Variants in PTPRD observed in about 807,000 individuals in gnomAD.
PTPRD encodes receptor-type tyrosine-protein phosphatase delta.
PTPRD carries 34 observed loss-of-function variants against 214.5 expected under a neutral mutation model. The observed-to-expected ratio is 0.16, with a 90% confidence interval of 0.12 to 0.21. The LOEUF is 0.21. Ranked by LOEUF, PTPRD falls within the 10% of genes least tolerant of loss-of-function variation. The pLI is 1.00. For synonymous variants in PTPRD, 1,128 were observed against 845.7 expected (o/e 1.33, Z -5.79); for missense variants, 2,545 against 2,398.7 (o/e 1.06, Z -1.27).
intron 14 of PTPRD, among the ~76,000 whole-genome samples, chr9:8,589,960 T>C (rs889966673): frequency 1.3e-5 from 2 of 152,156 alleles, no homozygotes; most frequent in South Asian, 4.1e-4. Flanking sequence ...AGAAATTGCT[T>C]GCGTTCACTT....
intron 4 of PTPRD, among the ~76,000 whole-genome samples, chr9:9,955,336 C>G (rs927007208): frequency 6.6e-6 from 1 of 152,064 alleles, no homozygotes; most frequent in African/African-American, 2.4e-5. Context: ...AGGATATGTA[C>G]GTATTTAAGC....
At chr9:9,606,913 A>G (rs561007141) in intron 7 of PTPRD, among the ~76,000 whole-genome samples, 1 of 142,320 alleles carries the variant, frequency 7.0e-6, no homozygotes, top group Admixed American at 7.5e-5. Flanking sequence ...TAAGGCAGAC[A>G]GGGCTATCTG....
intron 5 of PTPRD, among the ~76,000 whole-genome samples, chr9:9,773,285 T>C (rs1768883): frequency 0.38 from 57,520 of 151,932 alleles, 11,294 homozygotes; most frequent in East Asian, 0.67. Flanking sequence ...ATATATGCCT[T>C]ACAAGGGTTT....
chr9:8,524,954 T>C lies in PTPRD; in HGVS notation c.650A>G (p.Tyr217Cys), dbSNP rs770243660. The change falls in exon 18 of 46, where the codon TAT becomes TGT. Residue 217 changes from tyrosine to cysteine, a missense_variant. Physicochemically the swap from Tyr to Cys is radical, Grantham distance 194. Transcript: ENST00000381196. ...GACATATAAATTGGCAGGAGCGGAATAGCGAGTGCCCGCGCTGTTGGTGGC... is the reference window on the plus strand; with the variant it reads ...GACATATAAATTGGCAGGAGCGGAACAGCGAGTGCCCGCGCTGTTGGTGGC... Reference protein sequence around the residue: ...CVATNSAGTRYSAPANLYVRE... With the variant: ...CVATNSAGTRCSAPANLYVRE... 4.3e-6 allele frequency: 7 copies of C among 1,613,664 alleles called. No individual in the cohort carries two copies. The highest frequency in any genetic ancestry group is 5.1e-6 in the Non-Finnish European group (6 of 1,179,676).
At chr9:8,783,830 A>G (rs569639031) in intron 11 of PTPRD, among the ~76,000 whole-genome samples, 18 of 152,332 alleles carry the variant, frequency 1.2e-4, no homozygotes, top group East Asian at 9.6e-4. Context: ...TAAAGAAGAC[A>G]TATTACCCTC....
intron 14 of PTPRD, among the ~76,000 whole-genome samples, chr9:8,564,605 C>T (rs1048104537): frequency 6.6e-6 from 1 of 152,196 alleles, no homozygotes; most frequent in Admixed American, 6.5e-5. Context: ...GGGGCTGAGG[C>T]AGGAGAATTG....
chr9:9,310,369 A>G (rs1026850927), intron 9 of PTPRD, among the ~76,000 whole-genome samples: 1 of 152,110 alleles, frequency 6.6e-6, no homozygotes, highest in African/African-American at 2.4e-5. Flanking sequence ...TCTGCAGACT[A>G]GTAGCATGTG....
Position 9,453,079 on chromosome 9 carries a change from T to A in PTPRD, c.-236-55597A>T, listed in dbSNP as rs550064361. 1.3e-3 allele frequency among the ~76,000 whole-genome samples: 199 copies of A among 151,042 alleles called. 1 individual carries two copies. The highest frequency in any genetic ancestry group is 4.5e-3 in the African/African-American group (188 of 41,336). On this transcript the variant is annotated intron_variant, in intron 8 of 45. Transcript: ENST00000381196. ...TTTAATATCCATAAGATGTGACCAC[T>A]GATACATATTAATTATCCAAATGGA...
intron 11 of PTPRD, among the ~76,000 whole-genome samples, chr9:8,798,191 T>C (rs1215441543): frequency 1.3e-5 from 2 of 152,184 alleles, no homozygotes; most frequent in Non-Finnish European, 2.9e-5. Flanking sequence ...TTCTTTGGTG[T>C]CTCTTTTCCC....
chr9:9,310,513 T>C (rs955753653), intron 9 of PTPRD, among the ~76,000 whole-genome samples: 1 of 152,210 alleles, frequency 6.6e-6, no homozygotes, highest in African/African-American at 2.4e-5. Flanking sequence ...ACAAACCTGA[T>C]GTGACAATCA....
chr9:9,595,170 C>T lies in PTPRD; in HGVS notation c.-286-20389G>A, dbSNP rs751327147. ...AAACCAGTGCAACCGCTATGGAAAACAGTGTGGAGATTCCTTAAATAACTA... is the reference window on the plus strand; with the variant it reads ...AAACCAGTGCAACCGCTATGGAAAATAGTGTGGAGATTCCTTAAATAACTA... On this transcript the variant is annotated intron_variant, in intron 7 of 45. Transcript: ENST00000381196. 7.9e-5 allele frequency among the ~76,000 whole-genome samples: 12 copies of T among 151,380 alleles called. No individual in the cohort carries two copies. The South Asian group carries it at 2.5e-3, about 31-fold the overall frequency.
chr9:8,525,054 T>C lies in PTPRD; in HGVS notation c.569-19A>G, dbSNP rs757594785. Reference sequence around the variant, plus strand: ...AGGGCTCCTGTATGGATATAAAATATATTGCCAAAGAGATGATCAGAGAAG... The same window carrying C: ...AGGGCTCCTGTATGGATATAAAATACATTGCCAAAGAGATGATCAGAGAAG... On this transcript the variant is annotated intron_variant, in intron 17 of 45. Coordinates refer to ENST00000381196, the MANE Select transcript of PTPRD (RefSeq NM_002839.4). 1.1e-5 allele frequency: 17 copies of C among 1,591,206 alleles called. No homozygotes were observed. Among genetic ancestry groups the C allele is most frequent in the Non-Finnish European group, 1.3e-5 (15 of 1,159,462 alleles).
chr9:9,251,915 G>A (rs1205895041), intron 9 of PTPRD, among the ~76,000 whole-genome samples: 1 of 152,050 alleles, frequency 6.6e-6, no homozygotes. Flanking sequence ...TTTCCCAAGT[G>A]AAATACAAAA....
chr9:10,226,800 T>C (rs1389363237), intron 3 of PTPRD, among the ~76,000 whole-genome samples: 1 of 152,174 alleles, frequency 6.6e-6, no homozygotes, highest in South Asian at 2.1e-4. Context: ...GATAGATCAA[T>C]AGTTTAAACT....
At chr9:10,054,603 C>A (rs115591758) in intron 3 of PTPRD, among the ~76,000 whole-genome samples, 17 of 152,072 alleles carry the variant, frequency 1.1e-4, no homozygotes, top group African/African-American at 4.1e-4. Context: ...GGGAGCCATT[C>A]CTTTGAAATG....
At chr9:9,968,498 T>G (rs973152282) in intron 4 of PTPRD, among the ~76,000 whole-genome samples, 1 of 152,204 alleles carries the variant, frequency 6.6e-6, no homozygotes, top group Non-Finnish European at 1.5e-5. Context: ...AATGCAAAAG[T>G]AAAGAGCAAC....
intron 7 of PTPRD, among the ~76,000 whole-genome samples, chr9:9,720,186 G>T (rs531413337): frequency 6.6e-6 from 1 of 152,066 alleles, no homozygotes; most frequent in African/African-American, 2.4e-5. Context: ...CGTTTACTAG[G>T]TATAAAAAAG....
At chr9:9,997,752 T>G (rs1385075883) in intron 4 of PTPRD, among the ~76,000 whole-genome samples, 1 of 152,054 alleles carries the variant, frequency 6.6e-6, no homozygotes, top group African/African-American at 2.4e-5. Context: ...AGTATTGATA[T>G]GCTAATGTGG....
chr9:9,577,330 G>T (rs1261749767), intron 7 of PTPRD, among the ~76,000 whole-genome samples: 1 of 152,146 alleles, frequency 6.6e-6, no homozygotes, highest in African/African-American at 2.4e-5. Flanking sequence ...TTGGGAGGCT[G>T]AGGCAAGCAG....
Sources: gnomAD v4.1 joint callset for allele counts (sites outside exome capture counted in the v4.1 genomes callset) on GRCh38, gnomAD v4.1.1 for gene constraint, MANE v1.5 for transcripts, NCBI Gene and HGNC (gene_info 2026-07-23, HGNC 2026-07-21) for gene names.